Variants in UBASH3B observed in about 807,000 individuals in gnomAD.
UBASH3B encodes ubiquitin-associated and SH3 domain-containing protein B.
Under a neutral mutation model 83.4 loss-of-function variants are expected in UBASH3B, and 37 were observed. The observed-to-expected ratio is 0.44, with a 90% CI of 0.34 to 0.58. UBASH3B has a LOEUF of 0.58. Among genes scored for constraint, UBASH3B ranks in the 20% least tolerant of loss-of-function variants. The pLI is 0.01. For missense variants in UBASH3B, 657 were observed against 827.2 expected (o/e 0.79, Z 2.52); for synonymous variants, 304 against 318.3 (o/e 0.96, Z 0.48).
chr11:122,790,095 C>T (rs187856207), intron 6 of UBASH3B, among the ~76,000 whole-genome samples: 1 of 152,232 alleles, frequency 6.6e-6, no homozygotes, highest in South Asian at 2.1e-4. Context: ...TGTTTTTCTC[C>T]CACTTGTTTT....
intron 1 of UBASH3B, among the ~76,000 whole-genome samples, chr11:122,740,736 G>A (rs1484455101): frequency 6.6e-6 from 1 of 152,128 alleles, no homozygotes; most frequent in Non-Finnish European, 1.5e-5. Context: ...GTGGGGCAAG[G>A]GGGCAAGCTG....
At chr11:122,708,291 C>CTTTTT (rs11442792) in intron 1 of UBASH3B, among the ~76,000 whole-genome samples, 1 of 127,684 alleles carries the variant, frequency 7.8e-6, no homozygotes, top group Non-Finnish European at 1.6e-5. Flanking sequence ...CTTTGCTTGG[C>CTTTTT]TTTTTTTTTT....
chr11:122,655,934 G>A lies in UBASH3B; in HGVS notation c.-116G>A. The A allele has an allele frequency of 2.6e-6, 3 of 1,146,756 alleles. No homozygotes were observed. Among genetic ancestry groups the A allele is most frequent in the Non-Finnish European group, 3.5e-6 (3 of 869,524 alleles). The allele number at this position is 1,146,756 out of a possible 1,614,324, so 71.0% of individuals were successfully genotyped here. The stretch of plus-strand genomic sequence containing the variant: ...TCGGAGCGCCGCCTCCGCTGCCGCC[G>A]CCTCCTGCCTGGCTCTGGGTCCCCG... On this transcript the variant is annotated 5_prime_UTR_variant, in exon 1 of 14. Coordinates refer to ENST00000284273, the MANE Select transcript of UBASH3B (RefSeq NM_032873.5).
rs1195775798 is a variant in UBASH3B, at chr11:122,656,301, G to A, written c.161+91G>A. 5.7e-6 allele frequency: 7 copies of A among 1,228,958 alleles called. No individual in the cohort carries two copies. The East Asian group carries it at 9.7e-5, about 17-fold the overall frequency. The allele number at this position is 1,228,958 out of a possible 1,614,324, so 76.1% of individuals were successfully genotyped here. A position where few individuals can be genotyped will look rare whatever the true frequency, so the allele number is the denominator to read the frequency against. On this transcript the variant is annotated intron_variant, in intron 1 of 13. Transcript: ENST00000284273. ...TCCGGCTCGCCTCCCAGCGCCTGCG[G>A]GACAGGCAGCGCGCTCCCCGCTGCC... is the stretch of plus-strand genomic sequence containing the variant.
intron 1 of UBASH3B, chr11:122,775,534 C>T (rs1434056863): frequency 6.6e-6 from 1 of 152,154 alleles, no homozygotes; most frequent in Non-Finnish European, 1.5e-5. Context: ...AACCATTTGT[C>T]CTTGTGAGCT....
chr11:122,708,291 C>CT (rs11442792), intron 1 of UBASH3B, among the ~76,000 whole-genome samples: 75,316 of 127,574 alleles, frequency 0.59, 24,592 homozygotes, highest in East Asian at 0.75. Context: ...CTTTGCTTGG[C>CT]TTTTTTTTTT....
At position 122,812,697 on chromosome 11, in the gene UBASH3B, G is replaced by A. The variant is rs559625928; in HGVS notation, c.*2811G>A. ...GAAAGCATTTCCTGCTTCTACAAGTGTGCCACATCAATCCGGTAATGCCCC... is the reference window on the plus strand; with the variant it reads ...GAAAGCATTTCCTGCTTCTACAAGTATGCCACATCAATCCGGTAATGCCCC... On this transcript the variant is annotated 3_prime_UTR_variant, in exon 14 of 14. Transcript: ENST00000284273. 2.6e-4 allele frequency: 39 copies of A among 152,332 alleles called. No homozygotes were observed. In the South Asian group the frequency reaches 4.6e-3, roughly 18 times the overall value. 9.4% of individuals were successfully genotyped at this position (152,332 alleles called of 1,614,324 possible). A position where few individuals can be genotyped will look rare whatever the true frequency, so the allele number is the denominator to read the frequency against.
At chr11:122,767,299 A>G (rs1860561502) in intron 1 of UBASH3B, among the ~76,000 whole-genome samples, 1 of 25,808 alleles carries the variant, frequency 3.9e-5, no homozygotes, top group Admixed American at 4.0e-4. Flanking sequence ...CTGATAGTAA[A>G]GGTTTCTTTT....
intron 1 of UBASH3B, among the ~76,000 whole-genome samples, chr11:122,742,667 G>A (rs1202760492): frequency 7.2e-5 from 11 of 152,214 alleles, no homozygotes; most frequent in Admixed American, 5.9e-4. Context: ...AATATAGCAC[G>A]AAGGGTTCCC....
intron 1 of UBASH3B, among the ~76,000 whole-genome samples, chr11:122,699,436 A>G (rs1486189952): frequency 6.6e-6 from 1 of 152,138 alleles, no homozygotes; most frequent in Non-Finnish European, 1.5e-5. Flanking sequence ...GCCTGTGGAT[A>G]ATATTATCCA....
chr11:122,774,912 G>A (rs1427870012), intron 1 of UBASH3B, among the ~76,000 whole-genome samples: 5 of 152,054 alleles, frequency 3.3e-5, no homozygotes, highest in African/African-American at 1.2e-4. Context: ...CACTTGAAAT[G>A]TTCCATCCTT....
intron 1 of UBASH3B, among the ~76,000 whole-genome samples, chr11:122,738,240 G>A (rs970758346): frequency 2.0e-5 from 3 of 152,138 alleles, no homozygotes; most frequent in African/African-American, 7.2e-5. Context: ...TATTTAGATT[G>A]GTGTCTTAAT....
chr11:122,681,102 T>C (rs571335211), intron 1 of UBASH3B, among the ~76,000 whole-genome samples: 16 of 152,174 alleles, frequency 1.1e-4, no homozygotes, highest in African/African-American at 3.9e-4. Flanking sequence ...AGAAATTATT[T>C]AATTTATTCG....
At chr11:122,722,992 A>C (rs1238532933) in intron 1 of UBASH3B, among the ~76,000 whole-genome samples, 2 of 152,166 alleles carry the variant, frequency 1.3e-5, no homozygotes, top group South Asian at 2.1e-4. Context: ...GGCGTGAGCC[A>C]CCGCGCCCGG....
In UBASH3B at chr11:122,797,840, T is replaced by G. The variant is rs1041000575; in HGVS notation, c.1357+807T>G. ...AGAGTCTTAGGCTTGAGAAACAGCC[T>G]CAGGAATGCAGGGGAAACAAAGTGT... On this transcript the variant is annotated intron_variant, in intron 9 of 13. Coordinates refer to ENST00000284273, the MANE Select transcript of UBASH3B (RefSeq NM_032873.5). Among the ~76,000 whole-genome samples the G allele has an allele frequency of 3.3e-5, 5 of 152,024 alleles. No individual in the cohort carries two copies. In the South Asian group the frequency reaches 1.0e-3, roughly 32 times the overall value.
chr11:122,787,009 C>T (rs747724972), intron 5 of UBASH3B, among the ~76,000 whole-genome samples: 19 of 151,334 alleles, frequency 1.3e-4, no homozygotes, highest in Admixed American at 2.6e-4. Flanking sequence ...CACCGCCCCA[C>T]ATGATAGAAC....
intron 5 of UBASH3B, among the ~76,000 whole-genome samples, chr11:122,785,459 C>T (rs1385391005): frequency 6.6e-6 from 1 of 152,196 alleles, no homozygotes; most frequent in Non-Finnish European, 1.5e-5. Context: ...TCTGGCAAGG[C>T]ACCGTGATGC....
chr11:122,720,711 T>C (rs780991911), intron 1 of UBASH3B, among the ~76,000 whole-genome samples: 5 of 152,168 alleles, frequency 3.3e-5, no homozygotes, highest in African/African-American at 9.7e-5. Context: ...AGGAAGGCTC[T>C]TCACACAGCT....
In UBASH3B at chr11:122,789,038, C is replaced by A; in HGVS notation, c.772-62C>A. On this transcript the variant is annotated intron_variant, in intron 5 of 13. Coordinates refer to ENST00000284273, the MANE Select transcript of UBASH3B (RefSeq NM_032873.5). Reference sequence around the variant, plus strand: ...ATTAATGCAGAACATACAGTCCTGCCCTCAAGGCGCTCAGGAGAATGGTGA... The same window carrying A: ...ATTAATGCAGAACATACAGTCCTGCACTCAAGGCGCTCAGGAGAATGGTGA... The A allele has an allele frequency of 2.7e-6, 4 of 1,488,870 alleles. No homozygotes were observed. The East Asian group carries it at 6.8e-5, about 25-fold the overall frequency. 92.2% of individuals were successfully genotyped at this position (1,488,870 alleles called of 1,614,324 possible). A position where few individuals can be genotyped will look rare whatever the true frequency, so the allele number is the denominator to read the frequency against.
Sources: allele counts gnomAD v4.1 joint callset (sites outside exome capture counted in the v4.1 genomes callset), GRCh38; gene constraint gnomAD v4.1.1; transcripts MANE v1.5; gene names NCBI Gene and HGNC (gene_info 2026-07-23, HGNC 2026-07-21).